Variants in F2 observed in about 807,000 individuals in gnomAD.
F2 encodes the protein prothrombin.
A neutral mutation model predicts 81.9 loss-of-function variants in F2; 34 were observed. The observed-to-expected ratio is 0.42, with a 90% confidence interval of 0.32 to 0.55. The LOEUF (loss-of-function observed/expected upper bound fraction) is 0.55. F2 is among the 20% of genes least tolerant of loss of function. F2 has a pLI of 0.18. For synonymous variants in F2, 296 were observed against 326.4 expected (o/e 0.91, Z 1.01); for missense variants, 630 against 833.4 (o/e 0.76, Z 3.00).
chr11:46,738,903 C>A, intron 12 of F2, 145 bp from the exon 13 acceptor site: 1 of 810,044 alleles, frequency 1.2e-6, no homozygotes, highest in Non-Finnish European at 2.1e-6. Flanking sequence ...ACAAGATTTG[C>A]TAGGATTGGA....
At chr11:46,731,327 C>T (rs559872091) in intron 12 of F2, among the ~76,000 whole-genome samples, 3 of 149,938 alleles carry the variant, frequency 2.0e-5, no homozygotes, top group Admixed American at 6.7e-5. Context: ...CCTGCCACCA[C>T]GCCCGGCTAA....
Position 46,731,923 on chromosome 11 carries a change from T to G in F2, c.1654+2362T>G, listed in dbSNP as rs898169061. Among the ~76,000 whole-genome samples the G allele has an allele frequency of 3.1e-4, 46 of 147,692 alleles. 2 individuals are homozygous for G. Among genetic ancestry groups the G allele is most frequent in the Admixed American group, 8.2e-4 (12 of 14,706 alleles). On this transcript the variant is annotated intron_variant, in intron 12 of 13. Transcript: ENST00000311907. ...AGAGACACTTTGATGTTTTTTTTTT[T>G]TTTTTTTTTTTGTGATGGAGTCTCC...
At chr11:46,724,242 C>T (rs2064857750) in intron 6 of F2, among the ~76,000 whole-genome samples, 1 of 152,212 alleles carries the variant, frequency 6.6e-6, no homozygotes, top group Non-Finnish European at 1.5e-5. Flanking sequence ...CACCCCTTCC[C>T]TGAGGCAGAC....
At position 46,729,442 on chromosome 11, in the gene F2, C is replaced by T. The variant is rs2064896644; in HGVS notation, c.1535C>T (p.Thr512Ile). The change falls in exon 12 of 14, where the codon ACA (threonine) becomes ATA (isoleucine). Residue 512 changes from threonine (T) to isoleucine (I), a missense_variant. Transcript: ENST00000311907. ...TGWGNLKETW[T>I]ANVGKGQPSV... ...TGGGGCAACCTGAAGGAGACGTGGA[C>T]AGCCAACGTTGGTAAGGGGCAGCCC... 6 of 1,614,042 alleles carry T rather than the reference C, an allele frequency of 3.7e-6. No homozygotes were observed. Among genetic ancestry groups the T allele is most frequent in the Middle Eastern group, 1.6e-4 (1 of 6,084 alleles).
chr11:46,724,494 A>T (rs1190605502), intron 6 of F2, among the ~76,000 whole-genome samples: 1 of 152,234 alleles, frequency 6.6e-6, no homozygotes, highest in Non-Finnish European at 1.5e-5. Context: ...TGACAGACAC[A>T]GAAAACAATG....
At chr11:46,725,763 G>T in intron 6 of F2, 96 bp from the exon 7 acceptor site, 1 of 1,402,828 alleles carries the variant, frequency 7.1e-7, no homozygotes, top group Non-Finnish European at 1.0e-6. Context: ...AGGTCACACA[G>T]GCAGAAAGCA....
At position 46,719,603 on chromosome 11, in the gene F2, A is replaced by G; in HGVS notation, c.80-99A>G. The G allele has an allele frequency of 6.8e-7, 1 of 1,474,746 alleles. No individual in the cohort carries two copies. The highest frequency in any genetic ancestry group is 9.2e-7 in the Non-Finnish European group (1 of 1,086,336). The allele number at this position is 1,474,746 out of a possible 1,614,324, so 91.4% of individuals were successfully genotyped here. Reference sequence around the variant, plus strand: ...CACCAGCCCAGACAGCCTCTCTCAGAAGCCAGCAGGGGAGGGTGGGCTTGC... The same window carrying G: ...CACCAGCCCAGACAGCCTCTCTCAGGAGCCAGCAGGGGAGGGTGGGCTTGC... On this transcript the variant is annotated intron_variant, in intron 1 of 13. Transcript: ENST00000311907. The surrounding 1 kb of genome is among the most constrained non-coding windows in gnomAD (Gnocchi z 4.7).
Position 46,719,232 on chromosome 11 carries a change from C to A in F2, c.-4C>A, listed in dbSNP as rs1267068252. 1 of 1,613,868 alleles carries A rather than the reference C, an allele frequency of 6.2e-7. No individual in the cohort carries two copies. Among genetic ancestry groups the A allele is most frequent in the Non-Finnish European group, 8.5e-7 (1 of 1,180,016 alleles). On this transcript the variant is annotated 5_prime_UTR_variant, in exon 1 of 14. Coordinates refer to ENST00000311907, the MANE Select transcript of F2 (RefSeq NM_000506.5). The surrounding 1 kb of genome is among the most constrained non-coding windows in gnomAD (Gnocchi z 4.7). ...TTCCTCAGTGACCCAGGAGCTGACA[C>A]ACTATGGCGCACGTCCGAGGCTTGC... is the stretch of plus-strand genomic sequence containing the variant.
intron 12 of F2, among the ~76,000 whole-genome samples, chr11:46,736,418 T>C (rs1286913675): frequency 6.6e-6 from 1 of 152,152 alleles, no homozygotes; most frequent in South Asian, 2.1e-4. Flanking sequence ...CCACCATACC[T>C]GACCTAGGTT....
rs200525645 is a variant in F2 at position 46,725,970 on chromosome 11, G to T, written c.671G>T (p.Arg224Leu). ...VPDRGQQYQGRLAVTTHGLPC... is the reference protein window; with the variant it reads ...VPDRGQQYQGLLAVTTHGLPC... The stretch of plus-strand genomic sequence containing the variant: ...GATCGGGGGCAGCAGTACCAGGGGC[G>T]CCTGGCGGTGACCACACATGGGCTC... Residue 224 changes from arginine (R) to leucine (L), a missense_variant, in exon 7 of 14, where the codon CGC becomes CTC. Arg to Leu is a moderately radical substitution (Grantham distance 102). Transcript: ENST00000311907. 1.9e-6 allele frequency: 3 copies of T among 1,613,906 alleles called. No homozygotes were observed. The highest frequency in any genetic ancestry group is 2.2e-5 in the South Asian group (2 of 91,074).
rs1471043807 is a variant in F2, at chr11:46,725,805, C to T, written c.560-54C>T. On this transcript the variant is annotated intron_variant, in intron 6 of 13. Coordinates refer to ENST00000311907, the MANE Select transcript of F2 (RefSeq NM_000506.5). ...CCGGGGTTCACACCCCTGTCTGTTC[C>T]GGTCCATGTGTGGTCTCACTCACTC... 5.7e-6 allele frequency: 9 copies of T among 1,588,692 alleles called. No individual in the cohort carries two copies. The East Asian group carries it at 6.7e-5, about 12-fold the overall frequency.
chr11:46,725,977 G>A lies in F2; in HGVS notation c.678G>A (p.Ala226=), dbSNP rs754105739. The change falls in exon 7 of 14, where the codon GCG becomes GCA. Residue 226 remains alanine (A), a synonymous_variant. Transcript: ENST00000311907. ...DRGQQYQGRL[A]VTTHGLPCLA... is the part of the protein sequence containing the mutation. The stretch of plus-strand genomic sequence containing the variant: ...GGCAGCAGTACCAGGGGCGCCTGGC[G>A]GTGACCACACATGGGCTCCCCTGCC... 1.6e-5 allele frequency: 26 copies of A among 1,613,804 alleles called. No homozygotes were observed. The highest frequency in any genetic ancestry group is 6.6e-5 in the South Asian group (6 of 91,088).
Position 46,719,773 on chromosome 11 carries a change from G to T in F2, c.151G>T (p.Val51Leu), listed in dbSNP as rs1183194405. 1 of 1,598,250 alleles carries T rather than the reference G, an allele frequency of 6.3e-7. No individual in the cohort carries two copies. Among genetic ancestry groups the T allele is most frequent in the South Asian group, 1.1e-5 (1 of 87,834 alleles). The change falls in exon 2 of 14, where the codon GTG becomes TTG. Residue 51 changes from valine to leucine, a missense_variant. Physicochemically the swap from Val to Leu is conservative, Grantham distance 32. Coordinates refer to ENST00000311907, the MANE Select transcript of F2 (RefSeq NM_000506.5). The surrounding 1 kb of genome is among the most constrained non-coding windows in gnomAD (Gnocchi z 4.7). The part of the protein sequence containing the change: ...VRRANTFLEE[V>L]RKGNLERECV... ...GCGAGCCAACACCTTCTTGGAGGAG[G>T]TGCGCAAGGGCAACCTGGAGCGAGA...
At chr11:46,739,506 A>AATTCTAACGTTACTG, downstream of F2, 1 of 1,482,800 alleles carries the variant, frequency 6.7e-7, no homozygotes, top group Non-Finnish European at 9.3e-7. Flanking sequence ...ACTCTCAGCG[A>AATTCTAACGTTACTG]GCCTCAATGC....
rs758192520 is a variant in F2, at chr11:46,723,530, G to T, written c.559+12G>T. On this transcript the variant is annotated intron_variant, in intron 6 of 13. Coordinates refer to ENST00000311907, the MANE Select transcript of F2 (RefSeq NM_000506.5). This position sits in a 1 kb window ranked among gnomAD's most constrained non-coding sequence, Gnocchi z 5.6. The stretch of plus-strand genomic sequence containing the variant: ...CATCCCTGTCTGTGGTAAGCTGGGG[G>T]CAGTGGGGCGGCCCATGGCCAAGGC... 9.3e-6 allele frequency: 15 copies of T among 1,604,478 alleles called. No individual in the cohort carries two copies. Among genetic ancestry groups the T allele is most frequent in the African/African-American group, 1.3e-5 (1 of 74,914 alleles).
In F2 at chr11:46,728,629, G is replaced by C; in HGVS notation, c.1299-35G>C. 2 of 1,612,890 alleles carry C rather than the reference G, an allele frequency of 1.2e-6. No individual in the cohort carries two copies. The highest frequency in any genetic ancestry group is 2.2e-5 in the South Asian group (2 of 90,912). On this transcript the variant is annotated intron_variant, in intron 10 of 13. Transcript: ENST00000311907. The surrounding 1 kb of genome is among the most constrained non-coding windows in gnomAD (Gnocchi z 5.1). ...TTCCTGCTCCTTGCTGGGTGAACCTGCAGCTTCTCCATTTCTTTCTTGGGG... is the reference window on the plus strand; with the variant it reads ...TTCCTGCTCCTTGCTGGGTGAACCTCCAGCTTCTCCATTTCTTTCTTGGGG...
chr11:46,734,028 C>G (rs1393874023), intron 12 of F2, among the ~76,000 whole-genome samples: 1 of 151,890 alleles, frequency 6.6e-6, no homozygotes, highest in African/African-American at 2.4e-5. Flanking sequence ...CCTTGTGATC[C>G]TCCCGCCTCG....
chr11:46,729,087 C>T (rs1412773340), intron 11 of F2, among the ~76,000 whole-genome samples: 3 of 152,154 alleles, frequency 2.0e-5, no homozygotes, highest in Admixed American at 2.0e-4. Context: ...ACCCCACCTC[C>T]TGGGTTCAAG....
intron 4 of F2, 69 bp downstream of exon 4, chr11:46,720,909 G>A: frequency 6.3e-7 from 1 of 1,580,818 alleles, no homozygotes; most frequent in Non-Finnish European, 8.7e-7. Context: ...TCAGGGGTGG[G>A]TTTGGAGTGT....
Sources: allele counts gnomAD v4.1 joint callset (sites outside exome capture counted in the v4.1 genomes callset), GRCh38; gene constraint gnomAD v4.1.1; non-coding constraint Gnocchi (gnomAD v3.1); transcripts MANE v1.5; gene names NCBI Gene and HGNC (gene_info 2026-07-23, HGNC 2026-07-21).